The following TTC7A variants were observed in gnomAD, a reference collection of about 807,000 sequenced individuals.
TTC7A encodes the protein tetratricopeptide repeat protein 7A.
In TTC7A, 110 loss-of-function variants were observed where a neutral mutation model predicts 103.7. That is an observed-to-expected ratio of 1.06 (90% CI 0.91 to 1.24). The LOEUF (loss-of-function observed/expected upper bound fraction) is 1.24, where lower values mean the gene tolerates loss of function less well. Among genes scored for constraint, TTC7A ranks in the 50% most tolerant of loss-of-function variants. TTC7A has a pLI of 0.00. For synonymous variants in TTC7A, 521 were observed against 467.9 expected, an observed-to-expected ratio of 1.11 and a Z score of -1.47; for missense variants, 1,340 against 1,116.3, an observed-to-expected ratio of 1.20 and a Z score of -2.86.
intron 8 of TTC7A, chr2:46,999,491 T>TAC (rs1676572277): frequency 1.0e-6 from 1 of 985,400 alleles, no homozygotes; most frequent in African/African-American, 1.7e-5. Context: ...TTCAAGGAGC[T>TAC]ACAGCATGCG....
At chr2:47,018,080 C>G (rs1403832262) in intron 11 of TTC7A, among the ~76,000 whole-genome samples, 1 of 151,754 alleles carries the variant, frequency 6.6e-6, no homozygotes, top group Non-Finnish European at 1.5e-5. Context: ...AGTTTGAGAC[C>G]AGCCTGGCCA....
chr2:47,042,949 TC>T lies in TTC7A; in HGVS notation c.1803-3360del, dbSNP rs56865507. 5.9e-5 allele frequency among the ~76,000 whole-genome samples: 9 copies of T among 152,100 alleles called. No homozygotes were observed. The South Asian group carries it at 1.9e-3, about 32-fold the overall frequency. On this transcript the variant is annotated intron_variant, in intron 15 of 19. Transcript: ENST00000319190. ...TCCCCAGCCCCGACTGCCAGCAGCC[TC>T]CCCCCAGCTTCCCCCAGGAGTCACA...
At chr2:47,057,938 C>T (rs1000346778) in intron 18 of TTC7A, among the ~76,000 whole-genome samples, 35 of 152,164 alleles carry the variant, frequency 2.3e-4, no homozygotes, top group Admixed American at 1.7e-3. Context: ...CTCAGCTGCT[C>T]CCACTCCTGT....
intron 2 of TTC7A, chr2:46,956,637 T>G: frequency 6.7e-6 from 4 of 596,860 alleles, no homozygotes; most frequent in South Asian, 6.2e-5. Context: ...AGGAGAATTT[T>G]ATTGAGAACC....
At chr2:46,987,068 T>C (rs947608529) in intron 5 of TTC7A, among the ~76,000 whole-genome samples, 4 of 152,274 alleles carry the variant, frequency 2.6e-5, no homozygotes, top group Admixed American at 6.5e-5. Flanking sequence ...GGGTTCCTAA[T>C]TGAGCTAGAA....
intron 15 of TTC7A, among the ~76,000 whole-genome samples, chr2:47,044,464 T>C (rs914103776): frequency 5.8e-4 from 88 of 152,026 alleles, no homozygotes; most frequent in Non-Finnish European, 9.9e-4. Context: ...CCCACTGGGG[T>C]CATTCCTACT....
chr2:46,916,755 C>T (rs1054792685), intron 1 of TTC7A, among the ~76,000 whole-genome samples: 26 of 152,224 alleles, frequency 1.7e-4, no homozygotes, highest in Non-Finnish European at 3.1e-4. Context: ...CTACCTCAGC[C>T]TCCCGAGTAG....
chr2:47,074,221 C>A lies in TTC7A; in HGVS notation c.*298C>A. 1 of 444,338 alleles carries A rather than the reference C, an allele frequency of 2.3e-6. No homozygotes were observed. Among genetic ancestry groups the A allele is most frequent in the Non-Finnish European group, 4.1e-6 (1 of 242,862 alleles). 27.5% of individuals were successfully genotyped at this position (444,338 alleles called of 1,614,324 possible). A position where few individuals can be genotyped will look rare whatever the true frequency, so the allele number is the denominator to read the frequency against. On this transcript the variant is annotated 3_prime_UTR_variant, in exon 20 of 20. Transcript: ENST00000319190. ...AGCGGGGAGCCTCACAGCTGTCCTT[C>A]ACCCTCACCCATGCCTCTGGCTTGG...
At chr2:46,966,054 A>G (rs1014644885) in intron 3 of TTC7A, among the ~76,000 whole-genome samples, 1 of 152,004 alleles carries the variant, frequency 6.6e-6, no homozygotes, top group African/African-American at 2.4e-5. Flanking sequence ...GGTTCAAGCA[A>G]TTCTCCTGCC....
At chr2:47,006,397 G>T (rs1355872717) in intron 9 of TTC7A, among the ~76,000 whole-genome samples, 1 of 152,228 alleles carries the variant, frequency 6.6e-6, no homozygotes, top group Non-Finnish European at 1.5e-5. Context: ...CCATCACCCT[G>T]TGAGATCATT....
rs557016011 is a variant in TTC7A at position 46,963,486 on chromosome 2, C to G, written c.517+6479C>G. Among the ~76,000 whole-genome samples, 4 of 152,344 alleles carry G rather than the reference C, an allele frequency of 2.6e-5. No homozygotes were observed. The South Asian group carries it at 8.3e-4, about 32-fold the overall frequency. On this transcript the variant is annotated intron_variant, in intron 3 of 19. Coordinates refer to ENST00000319190, the MANE Select transcript of TTC7A (RefSeq NM_020458.4). ...TCTATCTGGAATTCCAGTTTCTTAG[C>G]TTGGAGATGGCAAAGTCCTCACTGC...
At chr2:46,962,026 C>T (rs1205099079) in intron 3 of TTC7A, among the ~76,000 whole-genome samples, 1 of 152,236 alleles carries the variant, frequency 6.6e-6, no homozygotes, top group Non-Finnish European at 1.5e-5. Flanking sequence ...GTGCTCATGG[C>T]TGTGAGCCCT....
intron 4 of TTC7A, among the ~76,000 whole-genome samples, chr2:46,975,703 A>G (rs1205256070): frequency 6.7e-6 from 1 of 149,666 alleles, no homozygotes; most frequent in Non-Finnish European, 1.5e-5. Context: ...GTATTTTTTT[A>G]CTTTTATTTT....
At chr2:47,010,017 C>T (rs1281012467) in intron 10 of TTC7A, among the ~76,000 whole-genome samples, 3 of 151,836 alleles carry the variant, frequency 2.0e-5, no homozygotes, top group Non-Finnish European at 4.4e-5. Context: ...TACGTTCAAA[C>T]CTCAGCTCAG....
intron 6 of TTC7A, 25 bp downstream of exon 6, chr2:46,993,553 G>C (rs1675843059): frequency 1.2e-6 from 2 of 1,609,554 alleles, no homozygotes; most frequent in Non-Finnish European, 1.7e-6. Flanking sequence ...TGGCAGTGCT[G>C]GCTTATTTAG....
upstream of TTC7A, chr2:46,915,935 A>C: frequency 1.0e-6 from 1 of 985,228 alleles, no homozygotes; most frequent in East Asian, 1.1e-4. Flanking sequence ...GTCCACGTGT[A>C]ATCGGCCCGG....
At chr2:47,046,756 T>C in intron 16 of TTC7A, 1 of 307,494 alleles carries the variant, frequency 3.3e-6, no homozygotes, top group Admixed American at 4.7e-5. Context: ...TTATGCATTA[T>C]CAGATTTTAT....
intron 2 of TTC7A, among the ~76,000 whole-genome samples, chr2:46,927,072 A>G (rs1669421332): frequency 6.6e-6 from 1 of 152,228 alleles, no homozygotes; most frequent in Non-Finnish European, 1.5e-5. Flanking sequence ...AAGAGAGACA[A>G]AAAGATAGAA....
intron 11 of TTC7A, among the ~76,000 whole-genome samples, chr2:47,021,181 G>A (rs1367343151): frequency 6.6e-6 from 1 of 152,202 alleles, no homozygotes; most frequent in Non-Finnish European, 1.5e-5. Flanking sequence ...GAGGAAGGGG[G>A]CCTTTCTTGG....
Sources: allele counts gnomAD v4.1 joint callset (sites outside exome capture counted in the v4.1 genomes callset), GRCh38; gene constraint gnomAD v4.1.1; transcripts MANE v1.5; gene names NCBI Gene and HGNC (gene_info 2026-07-23, HGNC 2026-07-21).